Variants in NTN1 observed in about 807,000 individuals in gnomAD.
The protein encoded by NTN1 is netrin-1.
In NTN1, 11 loss-of-function variants were observed where a neutral mutation model predicts 54.2. That is an observed-to-expected ratio of 0.20 (90% CI 0.13 to 0.34). The LOEUF (loss-of-function observed/expected upper bound fraction) is 0.34, where lower values mean the gene tolerates loss of function less well. Among genes scored for constraint, NTN1 ranks in the 10% least tolerant of loss-of-function variants. The pLI is 1.00. For missense variants in NTN1, 740 were observed against 893.1 expected, an observed-to-expected ratio of 0.83 and a Z score of 2.18; for synonymous variants, 371 against 382.0, an observed-to-expected ratio of 0.97 and a Z score of 0.33.
intron 2 of NTN1, among the ~76,000 whole-genome samples, chr17:9,038,152 C>T (rs1445812318): frequency 6.6e-6 from 1 of 152,066 alleles, no homozygotes; most frequent in Non-Finnish European, 1.5e-5. Context: ...TTCTGTGAGG[C>T]TTACCCGGAC....
At chr17:9,074,864 G>A (rs1361689867) in intron 2 of NTN1, among the ~76,000 whole-genome samples, 3 of 152,228 alleles carry the variant, frequency 2.0e-5, no homozygotes, top group Admixed American at 1.3e-4. Flanking sequence ...TCAAAGGCAA[G>A]TCTCAGGAAT....
intron 2 of NTN1, among the ~76,000 whole-genome samples, chr17:9,034,390 C>T (rs866256718): frequency 1.3e-5 from 2 of 151,666 alleles, no homozygotes; most frequent in South Asian, 2.1e-4. Flanking sequence ...ATCCTCATAG[C>T]GGCCCTATCA....
intron 2 of NTN1, among the ~76,000 whole-genome samples, chr17:9,083,846 T>C (rs2092081479): frequency 6.6e-6 from 1 of 152,232 alleles, no homozygotes; most frequent in Admixed American, 6.5e-5. Flanking sequence ...TCGAGTTTTC[T>C]GTTAGTTAGC....
At chr17:9,086,109 A>G (rs1249713629) in intron 2 of NTN1, among the ~76,000 whole-genome samples, 2 of 152,164 alleles carry the variant, frequency 1.3e-5, no homozygotes, top group Non-Finnish European at 2.9e-5. Flanking sequence ...ATTTAAGATT[A>G]TTATTTCCTC....
At chr17:9,047,131 A>T (rs1214799886) in intron 2 of NTN1, among the ~76,000 whole-genome samples, 1 of 152,236 alleles carries the variant, frequency 6.6e-6, no homozygotes, top group Non-Finnish European at 1.5e-5. Flanking sequence ...TAATCTTGTC[A>T]CTGTTGGAGG....
At chr17:9,178,944 G>A (rs1046055687) in intron 3 of NTN1, 1 of 152,216 alleles carries the variant, frequency 6.6e-6, no homozygotes, top group Non-Finnish European at 1.5e-5. Flanking sequence ...TTGGCTTCTT[G>A]GGACACAGCG....
intron 2 of NTN1, among the ~76,000 whole-genome samples, chr17:9,081,332 G>A (rs895453398): frequency 3.3e-5 from 5 of 152,110 alleles, no homozygotes; most frequent in Non-Finnish European, 7.4e-5. Context: ...TGACTGAAAC[G>A]TACTTCCTCT....
chr17:9,226,469 CTGTCTCGTGGGG>C (rs1567745003), intron 6 of NTN1, among the ~76,000 whole-genome samples: 4 of 40,800 alleles, frequency 9.8e-5, no homozygotes, highest in Non-Finnish European at 1.6e-4. Context: ...CGTGGGGAGG[CTGTCTCGTGGGG>C]AGGCGGTCTC....
chr17:9,238,255 G>C (rs1190570873), intron 6 of NTN1, among the ~76,000 whole-genome samples: 1 of 152,176 alleles, frequency 6.6e-6, no homozygotes. Flanking sequence ...AGGTGTCCTT[G>C]TGGCTGCTGA....
intron 3 of NTN1, among the ~76,000 whole-genome samples, chr17:9,168,415 C>T (rs1436292847): frequency 1.3e-5 from 2 of 152,062 alleles, no homozygotes; most frequent in African/African-American, 4.8e-5. Context: ...GCCTGTAATC[C>T]CAGCTACTTG....
intron 2 of NTN1, among the ~76,000 whole-genome samples, chr17:9,074,710 A>G (rs978479127): frequency 6.6e-6 from 1 of 152,152 alleles, no homozygotes; most frequent in African/African-American, 2.4e-5. Flanking sequence ...TTATCCAAAG[A>G]CAACATCACC....
At chr17:9,085,007 C>T (rs1056634411) in intron 2 of NTN1, among the ~76,000 whole-genome samples, 3 of 152,168 alleles carry the variant, frequency 2.0e-5, no homozygotes, top group Non-Finnish European at 4.4e-5. Context: ...AGAGTAGAGC[C>T]AGCAGCTTCA....
intron 3 of NTN1, chr17:9,176,517 T>G (rs921167333): frequency 6.6e-6 from 1 of 152,258 alleles, no homozygotes; most frequent in African/African-American, 2.4e-5. Context: ...GCCAGTCACA[T>G]TCTCCCTTTC....
intron 6 of NTN1, among the ~76,000 whole-genome samples, chr17:9,223,881 C>T (rs369357181): frequency 3.9e-5 from 6 of 152,254 alleles, no homozygotes; most frequent in South Asian, 4.1e-4. Flanking sequence ...GGGGTAACCT[C>T]GGCAAGGAGG....
upstream of NTN1, among the ~76,000 whole-genome samples, chr17:9,017,609 A>G (rs1231303993): frequency 2.0e-5 from 3 of 152,216 alleles, no homozygotes; most frequent in East Asian, 5.8e-4. Flanking sequence ...CAGGTAAGAC[A>G]GTGTGCCAGG....
intron 2 of NTN1, among the ~76,000 whole-genome samples, chr17:9,070,096 A>T (rs1204368325): frequency 6.6e-6 from 1 of 152,192 alleles, no homozygotes; most frequent in Admixed American, 6.5e-5. Context: ...TGGACCCTGT[A>T]CCACACTGAG....
At chr17:9,097,224 G>A (rs1028284870) in intron 2 of NTN1, among the ~76,000 whole-genome samples, 1 of 152,214 alleles carries the variant, frequency 6.6e-6, no homozygotes, top group Non-Finnish European at 1.5e-5. Context: ...AAACGCTGCT[G>A]TAAGATGTGT....
chr17:9,050,172 G>A (rs896137669), intron 2 of NTN1, among the ~76,000 whole-genome samples: 5 of 151,776 alleles, frequency 3.3e-5, no homozygotes, highest in South Asian at 2.1e-4. Flanking sequence ...GCATGAACCT[G>A]GGAGGCAGAG....
intron 2 of NTN1, among the ~76,000 whole-genome samples, chr17:9,064,496 G>A (rs891859528): frequency 4.8e-4 from 73 of 152,248 alleles, no homozygotes; most frequent in African/African-American, 1.6e-3. Flanking sequence ...AGATACCTAG[G>A]AGGGTTGTTC....
Sources: allele counts gnomAD v4.1 joint callset (sites outside exome capture counted in the v4.1 genomes callset), GRCh38; gene constraint gnomAD v4.1.1; transcripts MANE v1.5; gene names NCBI Gene and HGNC (gene_info 2026-07-23, HGNC 2026-07-21).